The following SUPT7L variants were observed in gnomAD, a reference collection of about 807,000 sequenced individuals.
The protein encoded by SUPT7L is STAGA complex 65 subunit gamma.
SUPT7L carries 15 observed loss-of-function variants against 35.7 expected under a neutral mutation model. That is an observed-to-expected ratio of 0.42 (90% CI 0.28 to 0.65). The LOEUF is 0.65. SUPT7L is among the 30% of genes least tolerant of loss of function. The pLI, the probability that SUPT7L is intolerant of heterozygous loss-of-function variation, is 0.23. For synonymous variants in SUPT7L, 168 were observed against 186.2 expected (o/e 0.90, Z 0.79); for missense variants, 434 against 522.2 (o/e 0.83, Z 1.65).
At position 27,655,426 on chromosome 2, in the gene SUPT7L, A is replaced by T. The variant is rs368857919; in HGVS notation, c.921T>A (p.Leu307=). The T allele has an allele frequency of 1.9e-6, 3 of 1,613,036 alleles. No homozygotes were observed. Among genetic ancestry groups the T allele is most frequent in the African/African-American group, 2.7e-5 (2 of 74,978 alleles). ...ATGGGAAGCGTTCGCTCTGAGCCCC[A>T]AGCACTCCCATAGGCAGTGACTGGT... is the stretch of plus-strand genomic sequence containing the variant. ...SGDQSLPMGV[L]GAQSERFPSN... is the part of the protein sequence containing the mutation. The change falls in exon 5 of 6, where the codon CTT becomes CTA. Residue 307 remains leucine, a synonymous_variant. Coordinates refer to ENST00000337768, the MANE Select transcript of SUPT7L (RefSeq NM_014860.3).
rs1186364723 is a variant in SUPT7L, at chr2:27,663,405, G to C, written c.-166C>G. On this transcript the variant is annotated 5_prime_UTR_variant, in exon 1 of 6. Transcript: ENST00000337768. ...CCAGGGGTTTCCTCGGTCACGGTCC[G>C]CCGGCGCAGGCGCCAATCACAGGGT... The C allele has an allele frequency of 1.3e-5, 3 of 229,434 alleles. No homozygotes were observed. The highest frequency in any genetic ancestry group is 2.6e-5 in the Non-Finnish European group (3 of 113,814). The allele number at this position is 229,434 out of a possible 1,614,324, so 14.2% of individuals were successfully genotyped here. A position where few individuals can be genotyped will look rare whatever the true frequency, so the allele number is the denominator to read the frequency against.
the SUPT7L span, among the ~76,000 whole-genome samples, chr2:27,644,072 C>T: frequency 2.0e-5 from 3 of 152,156 alleles, no homozygotes; most frequent in Admixed American, 6.5e-5. Context: ...TCCAGCTACT[C>T]GCTGAGGCTG....
chr2:27,662,275 C>A lies in SUPT7L; in HGVS notation c.-83G>T. The stretch of plus-strand genomic sequence containing the variant: ...CGGTCAAAGACTGATAATGTGAGAT[C>A]CTTGCCCTGAAGTGAGGAAGAGAAA... On this transcript the variant is annotated 5_prime_UTR_variant, in exon 2 of 6. Transcript: ENST00000337768. 6.9e-7 allele frequency: 1 copy of A among 1,456,092 alleles called. No individual in the cohort carries two copies. The highest frequency in any genetic ancestry group is 1.1e-5 in the South Asian group (1 of 87,558). The allele number at this position is 1,456,092 out of a possible 1,614,324, so 90.2% of individuals were successfully genotyped here.
At chr2:27,658,412 C>T (rs903397645) in intron 3 of SUPT7L, among the ~76,000 whole-genome samples, 1 of 151,820 alleles carries the variant, frequency 6.6e-6, no homozygotes, top group Non-Finnish European at 1.5e-5. Context: ...ACCATTTTGC[C>T]CCTAATCACT....
chr2:27,645,699 CTTTT>C, the SUPT7L span, among the ~76,000 whole-genome samples: 5 of 150,858 alleles, frequency 3.3e-5, no homozygotes, highest in Non-Finnish European at 7.4e-5. Context: ...TTGCCTGTTT[CTTTT>C]TAATTTTTTT....
At chr2:27,646,790 G>T (rs917802816), downstream of SUPT7L, among the ~76,000 whole-genome samples, 1 of 151,768 alleles carries the variant, frequency 6.6e-6, no homozygotes, top group Non-Finnish European at 1.5e-5. Flanking sequence ...TTCTGTTCAT[G>T]AAAGTTATTG....
At chr2:27,650,194 T>C (rs1431714613), downstream of SUPT7L, 19 of 1,573,802 alleles carry the variant, frequency 1.2e-5, no homozygotes, top group Middle Eastern at 3.3e-4. Context: ...AGAGAAACAA[T>C]AAATAGGAGA....
downstream of SUPT7L, chr2:27,650,100 C>A: frequency 6.7e-7 from 1 of 1,500,494 alleles, no homozygotes; most frequent in South Asian, 1.1e-5. Flanking sequence ...AAGAATTGCC[C>A]TTTTTTCCTT....
chr2:27,656,361 C>T (rs1388065676), intron 4 of SUPT7L, among the ~76,000 whole-genome samples: 2 of 152,160 alleles, frequency 1.3e-5, no homozygotes, highest in African/African-American at 4.8e-5. Context: ...GCAAAATCAT[C>T]ACCCCCCACC....
At chr2:27,646,126 C>G (rs1332325166), downstream of SUPT7L, among the ~76,000 whole-genome samples, 1 of 152,210 alleles carries the variant, frequency 6.6e-6, no homozygotes, top group Non-Finnish European at 1.5e-5. Flanking sequence ...ACTGCAACCT[C>G]CGCCTCCCGG....
chr2:27,646,273 C>T (rs1674225381), downstream of SUPT7L, among the ~76,000 whole-genome samples: 3 of 152,140 alleles, frequency 2.0e-5, no homozygotes, highest in Admixed American at 2.0e-4. Flanking sequence ...AACTCCTGAC[C>T]TCAGGTGATC....
At chr2:27,660,291 A>G (rs1247245235) in intron 3 of SUPT7L, among the ~76,000 whole-genome samples, 1 of 150,760 alleles carries the variant, frequency 6.6e-6, no homozygotes, top group Non-Finnish European at 1.5e-5. Context: ...AGTGCAGTGG[A>G]GTGATCTGCA....
downstream of SUPT7L, among the ~76,000 whole-genome samples, chr2:27,647,526 C>T (rs1358495512): frequency 6.6e-6 from 1 of 152,152 alleles, no homozygotes; most frequent in African/African-American, 2.4e-5. Flanking sequence ...ATAGGAAAAA[C>T]CATCACCCCT....
downstream of SUPT7L, among the ~76,000 whole-genome samples, chr2:27,649,698 G>A (rs141519221): frequency 1.7e-3 from 266 of 152,112 alleles, no homozygotes; most frequent in Non-Finnish European, 3.0e-3. Context: ...GCATGTATCA[G>A]TATGTTCTTT....
downstream of SUPT7L, among the ~76,000 whole-genome samples, chr2:27,646,548 T>C (rs1223492123): frequency 6.6e-6 from 1 of 152,160 alleles, no homozygotes; most frequent in Admixed American, 6.5e-5. Flanking sequence ...TTTAGGTTAG[T>C]TTTCATTTAC....
At chr2:27,659,569 T>C (rs1165441876) in intron 3 of SUPT7L, among the ~76,000 whole-genome samples, 1 of 152,200 alleles carries the variant, frequency 6.6e-6, no homozygotes, top group Non-Finnish European at 1.5e-5. Context: ...TTACAAAAGA[T>C]ATTTTGTAAA....
At chr2:27,660,727 C>A (rs1025773700) in intron 3 of SUPT7L, among the ~76,000 whole-genome samples, 2 of 151,926 alleles carry the variant, frequency 1.3e-5, no homozygotes, top group African/African-American at 4.8e-5. Flanking sequence ...TTTTTACATA[C>A]CAGTGTATTA....
At chr2:27,659,700 T>C (rs1398353600) in intron 3 of SUPT7L, among the ~76,000 whole-genome samples, 2 of 152,198 alleles carry the variant, frequency 1.3e-5, no homozygotes, top group East Asian at 1.9e-4. Context: ...TCTTAGGATA[T>C]GCATGCTGAG....
intron 3 of SUPT7L, among the ~76,000 whole-genome samples, chr2:27,658,538 C>T (rs1255365478): frequency 6.6e-6 from 1 of 152,118 alleles, no homozygotes; most frequent in African/African-American, 2.4e-5. Context: ...TGGCTTCTGC[C>T]TACCCCTGAC....
Sources: gnomAD v4.1 joint callset for allele counts (sites outside exome capture counted in the v4.1 genomes callset) on GRCh38, gnomAD v4.1.1 for gene constraint, MANE v1.5 for transcripts, NCBI Gene and HGNC (gene_info 2026-07-23, HGNC 2026-07-21) for gene names.